Variants in LIMA1 observed in about 807,000 individuals in gnomAD.
LIMA1 encodes LIM domain and actin binding 1.
Under a neutral mutation model 62.6 loss-of-function variants are expected in LIMA1, and 52 were observed. That is an observed-to-expected ratio of 0.83 (90% CI 0.67 to 1.05). LIMA1 has a LOEUF of 1.05. Among genes scored for constraint, LIMA1 ranks in the 50% least tolerant of loss-of-function variants. The pLI is 0.00. For synonymous variants in LIMA1, 302 were observed against 317.8 expected, an observed-to-expected ratio of 0.95 and a Z score of 0.53; for missense variants, 780 against 902.2, an observed-to-expected ratio of 0.86 and a Z score of 1.74.
chr12:50,248,265 C>T (rs1941878549), intron 2 of LIMA1, among the ~76,000 whole-genome samples: 1 of 152,232 alleles, frequency 6.6e-6, no homozygotes, highest in Non-Finnish European at 1.5e-5. Context: ...TCATCTCAAC[C>T]AGAAAGCCTT....
At chr12:50,206,684 C>T (rs1941159981) in intron 4 of LIMA1, among the ~76,000 whole-genome samples, 1 of 152,172 alleles carries the variant, frequency 6.6e-6, no homozygotes, top group Non-Finnish European at 1.5e-5. Context: ...CTGGTCCCTA[C>T]CGAGCCAGCC....
At chr12:50,193,582 C>CGT (rs1592504971) in intron 8 of LIMA1, among the ~76,000 whole-genome samples, 2 of 98,270 alleles carry the variant, frequency 2.0e-5, no homozygotes, top group East Asian at 5.8e-4. Flanking sequence ...TATATATATA[C>CGT]ATGTATATAT....
At chr12:50,222,821 C>A in intron 3 of LIMA1, 1 of 640,142 alleles carries the variant, frequency 1.6e-6, no homozygotes. Flanking sequence ...GGGAAAAAAA[C>A]AAGAAAGAAA....
chr12:50,208,109 A>G (rs1941186591), intron 4 of LIMA1, among the ~76,000 whole-genome samples: 1 of 152,116 alleles, frequency 6.6e-6, no homozygotes, highest in Non-Finnish European at 1.5e-5. Context: ...GCACTTTGGG[A>G]GGCTGAGACA....
chr12:50,209,445 T>G (rs1941212832), intron 4 of LIMA1, among the ~76,000 whole-genome samples: 1 of 151,598 alleles, frequency 6.6e-6, no homozygotes. Context: ...GGTGCGCACC[T>G]GTAATCTCAG....
At chr12:50,236,068 G>T (rs1039872170) in intron 2 of LIMA1, among the ~76,000 whole-genome samples, 1 of 151,826 alleles carries the variant, frequency 6.6e-6, no homozygotes, top group Non-Finnish European at 1.5e-5. Flanking sequence ...GAGAGACTGA[G>T]GCACGAGAAT....
chr12:50,226,462 G>A (rs1196203157), intron 3 of LIMA1, among the ~76,000 whole-genome samples: 1 of 152,200 alleles, frequency 6.6e-6, no homozygotes, highest in Admixed American at 6.5e-5. Context: ...GGTAAAAATT[G>A]CTTCCAACTT....
intron 6 of LIMA1, chr12:50,201,119 C>T: frequency 2.3e-6 from 3 of 1,279,030 alleles, no homozygotes; most frequent in Non-Finnish European, 3.0e-6. Context: ...AACTGGATTG[C>T]TCATTAGAAT....
At chr12:50,178,585 T>C (rs530924603) in intron 10 of LIMA1, among the ~76,000 whole-genome samples, 1 of 151,782 alleles carries the variant, frequency 6.6e-6, no homozygotes, top group South Asian at 2.1e-4. Flanking sequence ...TAAATCATTC[T>C]GAGCCTTGAG....
At chr12:50,223,250 C>T (rs375512286) in intron 3 of LIMA1, among the ~76,000 whole-genome samples, 40 of 151,786 alleles carry the variant, frequency 2.6e-4, no homozygotes, top group African/African-American at 7.5e-4. Context: ...TTTGGGAGGC[C>T]GAGGCCGGCG....
Position 50,202,969 on chromosome 12 carries a change from C to CAT in LIMA1, c.864+1581_864+1582dup, listed in dbSNP as rs1394725360. ...ACATTTGTATCTATGTGTGTGTATACATATATATGTGAATAAATGGCATTT... is the reference window on the plus strand; with the variant it reads ...ACATTTGTATCTATGTGTGTGTATACATATATATATGTGAATAAATGGCATTT... On this transcript the variant is annotated intron_variant, in intron 6 of 10. Transcript: ENST00000341247. Among the ~76,000 whole-genome samples the CAT allele has an allele frequency of 2.0e-5, 3 of 148,704 alleles. No individual in the cohort carries two copies. The East Asian group carries it at 5.9e-4, about 29-fold the overall frequency.
intron 2 of LIMA1, among the ~76,000 whole-genome samples, chr12:50,234,993 A>C (rs1592543078): frequency 6.6e-6 from 1 of 152,136 alleles, no homozygotes; most frequent in African/African-American, 2.4e-5. Flanking sequence ...CCTGAGCTAC[A>C]GAGTAAGACC....
At chr12:50,242,347 T>G (rs74953252) in intron 2 of LIMA1, among the ~76,000 whole-genome samples, 2,948 of 151,918 alleles carry the variant, frequency 0.019, 51 homozygotes, top group Non-Finnish European at 0.028. Context: ...GAAAACTAAA[T>G]ATGAACGCTC....
chr12:50,272,393 C>A (rs1420992254), intron 1 of LIMA1, among the ~76,000 whole-genome samples: 1 of 151,182 alleles, frequency 6.6e-6, no homozygotes, highest in Non-Finnish European at 1.5e-5. Flanking sequence ...AGTTCGAGAT[C>A]AGCCTGACCA....
At chr12:50,272,773 C>A (rs1034246262) in intron 1 of LIMA1, among the ~76,000 whole-genome samples, 36 of 151,668 alleles carry the variant, frequency 2.4e-4, no homozygotes, top group African/African-American at 8.2e-4. Flanking sequence ...TAGGGCCGGG[C>A]GTGGTGGTTC....
chr12:50,208,207 TG>T (rs751536794), intron 4 of LIMA1, among the ~76,000 whole-genome samples: 1 of 151,964 alleles, frequency 6.6e-6, no homozygotes, highest in African/African-American at 2.4e-5. Flanking sequence ...AAAGTTAGAC[TG>T]GGCACGGTGG....
chr12:50,221,887 T>C (rs1476971076), intron 4 of LIMA1, 134 bp downstream of exon 4: 1 of 703,146 alleles, frequency 1.4e-6, no homozygotes, highest in East Asian at 2.6e-5. Context: ...TTTGAGACTA[T>C]TAACTTATCT....
At chr12:50,206,162 A>T in intron 4 of LIMA1, 94 bp from the exon 5 acceptor site, 2 of 906,320 alleles carry the variant, frequency 2.2e-6, no homozygotes, top group Non-Finnish European at 3.4e-6. Context: ...AATAAAATCC[A>T]GATTTGATTT....
At chr12:50,196,227 G>A (rs1285408949) in intron 7 of LIMA1, among the ~76,000 whole-genome samples, 1 of 152,106 alleles carries the variant, frequency 6.6e-6, no homozygotes, top group East Asian at 1.9e-4. Context: ...CTATCAAGGA[G>A]AGCAAAGCTC....
Sources: gnomAD v4.1 joint callset for allele counts (sites outside exome capture counted in the v4.1 genomes callset) on GRCh38, gnomAD v4.1.1 for gene constraint, MANE v1.5 for transcripts, NCBI Gene and HGNC (gene_info 2026-07-23, HGNC 2026-07-21) for gene names.